The following EML1 variants were observed in gnomAD, a reference collection of about 807,000 sequenced individuals.
The protein encoded by EML1 is EMAP like 1, also known as echinoderm microtubule-associated protein-like 1.
In EML1, 27 loss-of-function variants were observed where a neutral mutation model predicts 110.4. The ratio of observed to expected loss-of-function variants is 0.24; its 90% CI spans 0.18 to 0.34. The LOEUF (loss-of-function observed/expected upper bound fraction) is 0.34. EML1 is among the 10% of genes least tolerant of loss of function. The pLI is 1.00. For synonymous variants in EML1, 344 were observed against 385.8 expected, an observed-to-expected ratio of 0.89 and a Z score of 1.27; for missense variants, 741 against 1,030.9, an observed-to-expected ratio of 0.72 and a Z score of 3.85.
rs1221801359 is a variant in EML1, at chr14:99,941,756, A to G, written c.*1644A>G. On this transcript the variant is annotated 3_prime_UTR_variant, in exon 22 of 22. Coordinates refer to ENST00000262233, the MANE Select transcript of EML1 (RefSeq NM_004434.3). ...GGATTTGGCCTAATTACCATACTCA[A>G]TTGTCAGTTTACGTGGTTTTGTGAA... 1 of 152,198 alleles carries G rather than the reference A, an allele frequency of 6.6e-6. No individual in the cohort carries two copies. The highest frequency in any genetic ancestry group is 2.4e-5 in the African/African-American group (1 of 41,452). 9.4% of individuals were successfully genotyped at this position (152,198 alleles called of 1,614,324 possible).
At chr14:99,928,954 C>T (rs2060317680) in intron 17 of EML1, among the ~76,000 whole-genome samples, 1 of 152,180 alleles carries the variant, frequency 6.6e-6, no homozygotes, top group Non-Finnish European at 1.5e-5. Context: ...TGCATCTTAT[C>T]TTGTGTTTCT....
At chr14:99,765,493 C>T (rs754397995) in intron 1 of EML1, among the ~76,000 whole-genome samples, 10 of 152,022 alleles carry the variant, frequency 6.6e-5, no homozygotes, top group East Asian at 1.9e-4. Flanking sequence ...CTTTTATTTC[C>T]GGTTTATTTC....
At chr14:99,826,241 T>A in intron 1 of EML1, among the ~76,000 whole-genome samples, 1 of 150,872 alleles carries the variant, frequency 6.6e-6, no homozygotes. Context: ...GCCTCTCGAG[T>A]AACTGGGATT....
At chr14:99,807,776 AG>A (rs1190014424) in intron 1 of EML1, among the ~76,000 whole-genome samples, 2 of 152,186 alleles carry the variant, frequency 1.3e-5, no homozygotes, top group Non-Finnish European at 1.5e-5. Flanking sequence ...GCTCCAGCAC[AG>A]CGTTGTCTAG....
At chr14:99,911,764 A>C (rs558986330) in intron 13 of EML1, among the ~76,000 whole-genome samples, 188 bp downstream of exon 13, 2 of 152,354 alleles carry the variant, frequency 1.3e-5, no homozygotes, top group Admixed American at 1.3e-4. Flanking sequence ...AATTAGGTTT[A>C]TAAAACTTGA....
intron 1 of EML1, among the ~76,000 whole-genome samples, chr14:99,835,608 C>T (rs929724471): frequency 1.3e-5 from 2 of 152,164 alleles, no homozygotes; most frequent in Non-Finnish European, 2.9e-5. Context: ...TGTTGGGTGA[C>T]ATAAATTTCT....
intron 1 of EML1, among the ~76,000 whole-genome samples, chr14:99,796,443 T>C (rs1165733385): frequency 6.6e-6 from 1 of 152,130 alleles, no homozygotes; most frequent in Non-Finnish European, 1.5e-5. Flanking sequence ...TGTGCATTGT[T>C]TTCTTCAGAG....
intron 1 of EML1, among the ~76,000 whole-genome samples, chr14:99,802,247 T>C (rs2057894639): frequency 6.6e-6 from 1 of 152,124 alleles, no homozygotes; most frequent in South Asian, 2.1e-4. Context: ...GTAGCGTGGC[T>C]TGCAGTAGGA....
intron 11 of EML1, 139 bp downstream of exon 11, chr14:99,909,618 A>G (rs953730357): frequency 5.2e-6 from 6 of 1,145,822 alleles, no homozygotes; most frequent in African/African-American, 3.1e-5. Context: ...CACCTGGTAG[A>G]TAACGCTGGT....
chr14:99,857,234 G>A (rs1264757715), intron 2 of EML1, among the ~76,000 whole-genome samples: 1 of 151,632 alleles, frequency 6.6e-6, no homozygotes, highest in Non-Finnish European at 1.5e-5. Flanking sequence ...GTCACACACT[G>A]CACTTCAGCC....
chr14:99,846,252 G>C (rs1441190323), intron 1 of EML1, among the ~76,000 whole-genome samples: 1 of 149,812 alleles, frequency 6.7e-6, no homozygotes, highest in African/African-American at 2.5e-5. Flanking sequence ...CCTTTGCTTG[G>C]AATGCCATTC....
intron 4 of EML1, among the ~76,000 whole-genome samples, chr14:99,879,719 T>C (rs1468627151): frequency 6.6e-6 from 1 of 152,234 alleles, no homozygotes; most frequent in African/African-American, 2.4e-5. Context: ...TAGTACTTCT[T>C]ATCAGAAGAT....
intron 17 of EML1, among the ~76,000 whole-genome samples, chr14:99,928,231 T>TGGA (rs2060302358): frequency 4.3e-5 from 1 of 23,254 alleles, no homozygotes; most frequent in Non-Finnish European, 1.1e-4. Context: ...GTGGTGGTGG[T>TGGA]GGTGGTGGTG....
intron 2 of EML1, among the ~76,000 whole-genome samples, chr14:99,854,985 C>T (rs143781934): frequency 7.2e-5 from 11 of 152,098 alleles, no homozygotes; most frequent in African/African-American, 1.2e-4. Context: ...CTGTGCGCAA[C>T]GGAGAAAAAC....
At position 99,941,621 on chromosome 14, in the gene EML1, A is replaced by G. The variant is rs1595519778; in HGVS notation, c.*1509A>G. 6.6e-6 allele frequency: 1 copy of G among 152,368 alleles called. No individual in the cohort carries two copies. Among genetic ancestry groups the G allele is most frequent in the East Asian group, 1.9e-4 (1 of 5,192 alleles). The allele number at this position is 152,368 out of a possible 1,614,324, so 9.4% of individuals were successfully genotyped here. ...TGATTCACACTATATTCTGTTTCAT[A>G]TGCAGATTTTATTCTCACCTGGGCC... On this transcript the variant is annotated 3_prime_UTR_variant, in exon 22 of 22. Coordinates refer to ENST00000262233, the MANE Select transcript of EML1 (RefSeq NM_004434.3).
intron 3 of EML1, among the ~76,000 whole-genome samples, chr14:99,867,876 G>A (rs1286401746): frequency 6.6e-6 from 1 of 152,144 alleles, no homozygotes; most frequent in Non-Finnish European, 1.5e-5. Context: ...AGTGGCAAGA[G>A]TGGGTATCTT....
At chr14:99,860,166 G>A (rs895871061) in intron 2 of EML1, among the ~76,000 whole-genome samples, 8 of 152,200 alleles carry the variant, frequency 5.3e-5, no homozygotes, top group Middle Eastern at 3.4e-3. Flanking sequence ...TCCTTCCACC[G>A]GATGCGTTCC....
upstream of EML1, among the ~76,000 whole-genome samples, chr14:99,771,193 G>A (rs374154919): frequency 1.3e-5 from 2 of 152,006 alleles, no homozygotes; most frequent in South Asian, 4.1e-4. Context: ...TATATTTTTT[G>A]TCACCCTGAA....
chr14:99,885,849 C>T (rs1178876786), intron 4 of EML1: 1 of 455,314 alleles, frequency 2.2e-6, no homozygotes. Flanking sequence ...CTGTTCCTCA[C>T]AGTGGTTGTA....
Sources: allele counts gnomAD v4.1 joint callset (sites outside exome capture counted in the v4.1 genomes callset), GRCh38; gene constraint gnomAD v4.1.1; transcripts MANE v1.5; gene names NCBI Gene and HGNC (gene_info 2026-07-23, HGNC 2026-07-21).